EPHA6: variants seen among roughly 807,000 people sequenced by gnomAD.
EPHA6 encodes the protein ephrin type-A receptor 6.
In EPHA6, 50 loss-of-function variants were observed where a neutral mutation model predicts 112.0. The ratio of observed to expected loss-of-function variants is 0.45; its 90% CI spans 0.36 to 0.56. The LOEUF (loss-of-function observed/expected upper bound fraction) is 0.56. EPHA6 is among the 20% of genes least tolerant of loss of function. The pLI is 0.00. For missense variants in EPHA6, 1,280 were observed against 1,417.4 expected, an observed-to-expected ratio of 0.90 and a Z score of 1.56; for synonymous variants, 529 against 490.7, an observed-to-expected ratio of 1.08 and a Z score of -1.03.
chr3:97,123,929 G>GAT (rs2048112340), intron 3 of EPHA6, among the ~76,000 whole-genome samples: 1 of 151,810 alleles, frequency 6.6e-6, no homozygotes, highest in African/African-American at 2.4e-5. Flanking sequence ...GAGAGAGAGA[G>GAT]ATCTCCTGAG....
chr3:97,289,534 T>A (rs2080603767), intron 5 of EPHA6, among the ~76,000 whole-genome samples: 1 of 152,214 alleles, frequency 6.6e-6, no homozygotes, highest in Admixed American at 6.5e-5. Flanking sequence ...CTTTGTTCTT[T>A]TTGCTTAGGA....
intron 14 of EPHA6, among the ~76,000 whole-genome samples, chr3:97,656,103 G>T (rs1033676250): frequency 6.6e-6 from 1 of 151,830 alleles, no homozygotes; most frequent in Non-Finnish European, 1.5e-5. Context: ...AACAATATAT[G>T]TTATAAAACT....
In EPHA6 at chr3:97,492,396, G is replaced by A. The variant is rs111919155; in HGVS notation, c.2200+8337G>A. Among the ~76,000 whole-genome samples, 1,468 of 151,252 alleles carry A rather than the reference G, an allele frequency of 9.7e-3. 24 individuals carry two copies. Among genetic ancestry groups the A allele is most frequent in the African/African-American group, 0.028 (1,164 of 41,244 alleles). ...AGTCTCTACTAAAATACAAAAATTA[G>A]CCAGGCATGGTGGTGGGCACCTGTA... On this transcript the variant is annotated intron_variant, in intron 10 of 17. Transcript: ENST00000389672.
chr3:96,914,441 T>C (rs1308261271), intron 2 of EPHA6, among the ~76,000 whole-genome samples: 3 of 152,186 alleles, frequency 2.0e-5, no homozygotes, highest in Non-Finnish European at 2.9e-5. Flanking sequence ...ACAAATGTAC[T>C]TATAAAAGCA....
At chr3:97,496,844 C>A (rs2091991866) in intron 10 of EPHA6, among the ~76,000 whole-genome samples, 1 of 152,000 alleles carries the variant, frequency 6.6e-6, no homozygotes, top group Non-Finnish European at 1.5e-5. Flanking sequence ...TCAGCAGAAC[C>A]AACAGTAATG....
intron 5 of EPHA6, among the ~76,000 whole-genome samples, chr3:97,350,268 A>G (rs1219800995): frequency 6.6e-6 from 1 of 152,124 alleles, no homozygotes; most frequent in Non-Finnish European, 1.5e-5. Context: ...CTAGGCCCTG[A>G]GAAACATGGT....
At chr3:97,500,076 G>A (rs1276436606) in intron 10 of EPHA6, among the ~76,000 whole-genome samples, 1 of 151,858 alleles carries the variant, frequency 6.6e-6, no homozygotes, top group Admixed American at 6.6e-5. Flanking sequence ...GCTTTTTCCT[G>A]TGTAAATTTT....
chr3:96,992,855 C>A (rs1050397801), intron 3 of EPHA6, among the ~76,000 whole-genome samples: 2 of 152,078 alleles, frequency 1.3e-5, no homozygotes, highest in African/African-American at 2.4e-5. Context: ...TTCTTCAAGA[C>A]CTAACACCAA....
chr3:97,569,524 T>C (rs2093309456), intron 11 of EPHA6, among the ~76,000 whole-genome samples: 1 of 152,194 alleles, frequency 6.6e-6, no homozygotes, highest in Admixed American at 6.5e-5. Context: ...ATTACTTCTC[T>C]GCAAAACTCA....
intron 2 of EPHA6, among the ~76,000 whole-genome samples, chr3:96,983,429 G>A (rs2042891098): frequency 6.6e-6 from 1 of 152,168 alleles, no homozygotes. Context: ...TCAGCTGTTA[G>A]TCTGATGGGT....
intron 5 of EPHA6, among the ~76,000 whole-genome samples, chr3:97,319,043 T>C (rs2081978068): frequency 2.0e-5 from 3 of 151,906 alleles, no homozygotes; most frequent in African/African-American, 7.3e-5. Flanking sequence ...CCAAGGTTGA[T>C]GTCAATCTGT....
At chr3:96,899,410 G>A (rs2038479694) in intron 2 of EPHA6, among the ~76,000 whole-genome samples, 1 of 152,122 alleles carries the variant, frequency 6.6e-6, no homozygotes, top group Non-Finnish European at 1.5e-5. Context: ...ACCAGTTCTA[G>A]GGGGAACATG....
chr3:97,099,375 A>T, intron 3 of EPHA6, among the ~76,000 whole-genome samples: 1 of 151,912 alleles, frequency 6.6e-6, no homozygotes, highest in East Asian at 1.9e-4. Context: ...GTGGGTCAGA[A>T]ATCTGTTAAA....
chr3:97,358,702 TA>T (rs1387668602), intron 5 of EPHA6, among the ~76,000 whole-genome samples: 2 of 152,160 alleles, frequency 1.3e-5, no homozygotes, highest in African/African-American at 4.8e-5. Context: ...CTTTTCATTT[TA>T]CCCTGCAGAA....
chr3:97,171,035 T>C (rs1317270592), intron 3 of EPHA6, among the ~76,000 whole-genome samples: 2 of 152,088 alleles, frequency 1.3e-5, no homozygotes, highest in Non-Finnish European at 2.9e-5. Context: ...AATAATGGAC[T>C]GAAAAGGAGT....
At chr3:96,979,821 A>C (rs981003294) in intron 2 of EPHA6, among the ~76,000 whole-genome samples, 3 of 152,128 alleles carry the variant, frequency 2.0e-5, no homozygotes, top group African/African-American at 7.2e-5. Flanking sequence ...GCATTTTTTC[A>C]TGTGCCTTTT....
At chr3:97,681,539 G>T (rs958466414) in intron 14 of EPHA6, among the ~76,000 whole-genome samples, 2 of 151,974 alleles carry the variant, frequency 1.3e-5, no homozygotes, top group Admixed American at 1.3e-4. Flanking sequence ...GACAGTGCAG[G>T]CTTCAGTGGG....
intron 1 of EPHA6, among the ~76,000 whole-genome samples, chr3:96,865,453 G>A (rs1445370713): frequency 1.3e-5 from 2 of 151,908 alleles, no homozygotes; most frequent in African/African-American, 2.4e-5. Flanking sequence ...AGGTCAAGGT[G>A]GGAGGGTCAC....
At chr3:96,864,179 A>G (rs1383613573) in intron 1 of EPHA6, among the ~76,000 whole-genome samples, 1 of 152,076 alleles carries the variant, frequency 6.6e-6, no homozygotes, top group Non-Finnish European at 1.5e-5. Flanking sequence ...TTTATTTAAA[A>G]AACAAACATT....
Sources: gnomAD v4.1 joint callset for allele counts (sites outside exome capture counted in the v4.1 genomes callset) on GRCh38, gnomAD v4.1.1 for gene constraint, MANE v1.5 for transcripts, NCBI Gene and HGNC (gene_info 2026-07-23, HGNC 2026-07-21) for gene names.